Variants in TRPM3 observed in about 807,000 individuals in gnomAD.
The protein encoded by TRPM3 is long transient receptor potential channel 3.
A neutral mutation model predicts 181.2 loss-of-function variants in TRPM3; 77 were observed. That is an observed-to-expected ratio of 0.42 (90% CI 0.35 to 0.51). TRPM3 has a LOEUF of 0.51. Ranked by LOEUF, TRPM3 falls within the 20% of genes least tolerant of loss-of-function variation. The probability of loss-of-function intolerance (pLI) is 0.01; values close to 1 mark genes in which losing one functional copy is unlikely to be tolerated. For synonymous variants in TRPM3, 745 were observed against 796.4 expected (o/e 0.94, Z 1.09); for missense variants, 1,759 against 2,196.7 (o/e 0.80, Z 3.98).
In TRPM3 at chr9:71,081,517, G is replaced by A. The variant is rs1375189636; in HGVS notation, c.177+39661C>T. 3.3e-5 allele frequency among the ~76,000 whole-genome samples: 5 copies of A among 152,314 alleles called. No individual in the cohort carries two copies. In the East Asian group the frequency reaches 9.6e-4, roughly 29 times the overall value. The stretch of plus-strand genomic sequence containing the variant: ...AGATATAAAGGCTCAAACAAGGGAA[G>A]TTTTTTGAGAGACATAGAACAGTCA... On this transcript the variant is annotated intron_variant, in intron 1 of 25. Coordinates refer to ENST00000677713, the MANE Select transcript of TRPM3 (RefSeq NM_001366145.2).
intron 25 of TRPM3, 76 bp downstream of exon 25, chr9:70,549,466 C>A: frequency 1.3e-6 from 2 of 1,494,788 alleles, no homozygotes; most frequent in Admixed American, 2.2e-5. Context: ...GTTTTGTGAC[C>A]GTGTGAATAA....
At chr9:71,446,671 G>C (rs1028283384) in exon 1 of TRPM3, 1 of 1,550,104 alleles carries the variant, frequency 6.5e-7, no homozygotes, top group Non-Finnish European at 8.7e-7. Context: ...GCTGCGACGG[G>C]AGTCCCGAGC....
At chr9:71,279,718 G>A (rs1212885652) in intron 1 of TRPM3, among the ~76,000 whole-genome samples, 3 of 152,176 alleles carry the variant, frequency 2.0e-5, no homozygotes, top group Admixed American at 6.5e-5. Flanking sequence ...AGCGTAGACA[G>A]GGAGAGATGA....
intron 1 of TRPM3, among the ~76,000 whole-genome samples, chr9:71,352,050 T>C (rs1479259868): frequency 6.6e-6 from 1 of 152,130 alleles, no homozygotes; most frequent in South Asian, 2.1e-4. Flanking sequence ...TAATTTTTTG[T>C]ATTTTTAGTA....
chr9:70,588,822 A>G (rs1461872927), intron 22 of TRPM3, among the ~76,000 whole-genome samples: 1 of 152,222 alleles, frequency 6.6e-6, no homozygotes, highest in African/African-American at 2.4e-5. Context: ...GGGCCATAAC[A>G]TGAATATTAA....
intron 1 of TRPM3, among the ~76,000 whole-genome samples, chr9:70,884,881 C>T (rs1564683712): frequency 1.3e-5 from 2 of 152,174 alleles, no homozygotes; most frequent in Non-Finnish European, 2.9e-5. Context: ...TGGTCCCTCG[C>T]TCATAGATTC....
chr9:71,038,659 T>C (rs1471622396), intron 1 of TRPM3, among the ~76,000 whole-genome samples: 2 of 152,200 alleles, frequency 1.3e-5, no homozygotes, highest in African/African-American at 2.4e-5. Context: ...ACCTATTATG[T>C]GTCAGGCACA....
intron 1 of TRPM3, among the ~76,000 whole-genome samples, chr9:70,888,749 T>A (rs1297299389): frequency 6.6e-6 from 1 of 152,130 alleles, no homozygotes; most frequent in Non-Finnish European, 1.5e-5. Flanking sequence ...AGGAAGGAGA[T>A]GACATGTGGT....
At chr9:70,990,603 C>T (rs1393833824) in intron 1 of TRPM3, among the ~76,000 whole-genome samples, 1 of 152,164 alleles carries the variant, frequency 6.6e-6, no homozygotes, top group South Asian at 2.1e-4. Context: ...AAATTCACTT[C>T]TCTCAGTCCT....
At position 70,640,547 on chromosome 9, in the gene TRPM3, A is replaced by T. The variant is rs770333935; in HGVS notation, c.1446+13T>A. 1.9e-6 allele frequency: 3 copies of T among 1,609,658 alleles called. No homozygotes were observed. The Admixed American group carries it at 5.0e-5, about 27-fold the overall frequency. ...CAAAGTGGGCTTTTCATGGGAGACG[A>T]TATATACTCTACCGGCCACTGTTGC... On this transcript the variant is annotated intron_variant, in intron 10 of 25. Transcript: ENST00000677713.
At chr9:71,052,950 T>C (rs1406164128) in intron 1 of TRPM3, among the ~76,000 whole-genome samples, 2 of 152,032 alleles carry the variant, frequency 1.3e-5, no homozygotes, top group Non-Finnish European at 2.9e-5. Flanking sequence ...TAAAATATTA[T>C]ACTACTATCA....
intron 1 of TRPM3, among the ~76,000 whole-genome samples, chr9:71,401,646 T>C (rs1319868858): frequency 2.0e-5 from 3 of 152,206 alleles, no homozygotes; most frequent in African/African-American, 4.8e-5. Context: ...TTTGTAATAA[T>C]ATTAATACAT....
intron 1 of TRPM3, among the ~76,000 whole-genome samples, chr9:70,899,330 T>C (rs1416835067): frequency 6.6e-6 from 1 of 152,234 alleles, no homozygotes; most frequent in Admixed American, 6.5e-5. Flanking sequence ...AAGGTCTTTC[T>C]GGAAAACCTG....
At chr9:70,682,378 T>C (rs955205204) in intron 8 of TRPM3, among the ~76,000 whole-genome samples, 1 of 152,130 alleles carries the variant, frequency 6.6e-6, no homozygotes, top group Non-Finnish European at 1.5e-5. Context: ...TTAATACAAC[T>C]AAGCAATCCA....
intron 1 of TRPM3, among the ~76,000 whole-genome samples, chr9:71,421,021 G>GAGAGAA (rs2093763049): frequency 6.6e-6 from 1 of 150,964 alleles, no homozygotes; most frequent in Admixed American, 6.6e-5. Flanking sequence ...GAGAGAAAAA[G>GAGAGAA]AGAGAAAAAG....
chr9:70,591,004 G>T (rs1421041021), intron 22 of TRPM3, 27 bp downstream of exon 22: 1 of 1,613,964 alleles, frequency 6.2e-7, no homozygotes. Flanking sequence ...CCTGACTTTG[G>T]TGTATGAGAA....
intron 1 of TRPM3, among the ~76,000 whole-genome samples, chr9:71,011,144 A>G (rs1262302366): frequency 6.6e-6 from 1 of 152,172 alleles, no homozygotes; most frequent in Non-Finnish European, 1.5e-5. Context: ...AAGAGTGCTT[A>G]CCAGAGGCTG....
intron 1 of TRPM3, among the ~76,000 whole-genome samples, chr9:70,989,392 C>T (rs976636272): frequency 6.6e-6 from 1 of 152,110 alleles, no homozygotes; most frequent in African/African-American, 2.4e-5. Context: ...TGTAATAAAT[C>T]CTCTACAGTG....
At chr9:71,260,896 T>C (rs901461443) in intron 1 of TRPM3, among the ~76,000 whole-genome samples, 3 of 152,034 alleles carry the variant, frequency 2.0e-5, no homozygotes, top group African/African-American at 7.2e-5. Flanking sequence ...TGAGTGTCCT[T>C]TGTGGGTAAC....
Sources: gnomAD v4.1 joint callset for allele counts (sites outside exome capture counted in the v4.1 genomes callset) on GRCh38, gnomAD v4.1.1 for gene constraint, MANE v1.5 for transcripts, NCBI Gene and HGNC (gene_info 2026-07-23, HGNC 2026-07-21) for gene names.